The following ACVR2A variants were observed in gnomAD, a reference collection of about 807,000 sequenced individuals.
ACVR2A encodes the protein activin A receptor type 2A, also known as activin receptor type-2A.
In ACVR2A, 7 loss-of-function variants were observed where a neutral mutation model predicts 61.4. The ratio of observed to expected loss-of-function variants is 0.11; its 90% CI spans 0.06 to 0.21. The LOEUF (loss-of-function observed/expected upper bound fraction) is 0.21, where lower values mean the gene tolerates loss of function less well. Among genes scored for constraint, ACVR2A ranks in the 10% least tolerant of loss-of-function variants. ACVR2A has a pLI of 1.00. For synonymous variants in ACVR2A, 193 were observed against 208.3 expected (o/e 0.93, Z 0.63); for missense variants, 322 against 621.7 (o/e 0.52, Z 5.13).
chr2:147,883,879 T>A (rs554862390), intron 1 of ACVR2A, among the ~76,000 whole-genome samples: 1 of 152,254 alleles, frequency 6.6e-6, no homozygotes, highest in South Asian at 2.1e-4. Flanking sequence ...TCACATTATC[T>A]TCATAGCAAG....
At position 147,853,760 on chromosome 2, in the gene ACVR2A, C is replaced by T. The variant is rs115827398; in HGVS notation, c.55+8553C>T. ...TATAAAGCTTAGAGGGAGGAGTTTT[C>T]GTAGTTATGATTATTAACTTTAAAA... On this transcript the variant is annotated intron_variant, in intron 1 of 10. Transcript: ENST00000241416. Among the ~76,000 whole-genome samples, 1,147 of 151,976 alleles carry T rather than the reference C, an allele frequency of 7.5e-3. 9 individuals carry two copies. Among genetic ancestry groups the T allele is most frequent in the African/African-American group, 0.026 (1,067 of 41,460 alleles).
intron 1 of ACVR2A, among the ~76,000 whole-genome samples, chr2:147,867,296 G>A (rs1685881187): frequency 6.6e-6 from 1 of 152,150 alleles, no homozygotes; most frequent in South Asian, 2.1e-4. Context: ...AGGTGGGGAA[G>A]AAAGCCAGAG....
intron 4 of ACVR2A, among the ~76,000 whole-genome samples, chr2:147,902,192 A>G (rs1453727695): frequency 6.6e-6 from 1 of 151,934 alleles, no homozygotes; most frequent in African/African-American, 2.4e-5. Flanking sequence ...GGGGCATGGG[A>G]TGTTATGTTT....
In ACVR2A at chr2:147,929,584, T is replaced by C. The variant is rs944383066; in HGVS notation, c.*2310T>C. 1 of 152,424 alleles carries C rather than the reference T, an allele frequency of 6.6e-6. No individual in the cohort carries two copies. The highest frequency in any genetic ancestry group is 6.6e-5 in the Admixed American group (1 of 15,204). The allele number at this position is 152,424 out of a possible 1,614,324, so 9.4% of individuals were successfully genotyped here. Reference sequence around the variant, plus strand: ...GAACTATTATTAATAGAAAAACTTTTTATAAGCAGTAAAATAAGAATGTTC... The same window carrying C: ...GAACTATTATTAATAGAAAAACTTTCTATAAGCAGTAAAATAAGAATGTTC... On this transcript the variant is annotated 3_prime_UTR_variant, in exon 11 of 11. Transcript: ENST00000241416.
At chr2:147,870,948 T>A (rs955530349) in intron 1 of ACVR2A, among the ~76,000 whole-genome samples, 2 of 152,132 alleles carry the variant, frequency 1.3e-5, no homozygotes, top group African/African-American at 4.8e-5. Context: ...TTCACATTCC[T>A]CATGTATTTT....
intron 1 of ACVR2A, among the ~76,000 whole-genome samples, chr2:147,878,908 TAA>T (rs11284106): frequency 1.3e-5 from 2 of 149,512 alleles, no homozygotes; most frequent in African/African-American, 2.5e-5. Context: ...GACCTGTCTT[TAA>T]AAAAAAAAAT....
intron 4 of ACVR2A, among the ~76,000 whole-genome samples, chr2:147,913,959 C>A: frequency 6.6e-6 from 1 of 150,700 alleles, no homozygotes; most frequent in East Asian, 2.0e-4. Flanking sequence ...GAAGAAATTG[C>A]ATGTTTTTCC....
chr2:147,926,248 C>T, intron 10 of ACVR2A, 87 bp downstream of exon 10: 1 of 1,487,666 alleles, frequency 6.7e-7, no homozygotes, highest in Non-Finnish European at 9.1e-7. Flanking sequence ...TCTCTTTCTT[C>T]TGCAAGTATT....
chr2:147,845,353 C>CCCT, intron 1 of ACVR2A, 146 bp downstream of exon 1: 2 of 525,894 alleles, frequency 3.8e-6, no homozygotes, highest in Non-Finnish European at 6.3e-6. Context: ...CCACCGCCCC[C>CCCT]CCCCCCCGCC....
intron 1 of ACVR2A, among the ~76,000 whole-genome samples, chr2:147,862,555 C>T (rs1380834141): frequency 3.3e-5 from 5 of 152,046 alleles, no homozygotes; most frequent in South Asian, 2.1e-4. Context: ...ACCAGCCTGG[C>T]CAACATGGTG....
intron 1 of ACVR2A, among the ~76,000 whole-genome samples, chr2:147,886,013 G>A (rs1352951822): frequency 6.6e-6 from 1 of 152,062 alleles, no homozygotes. Flanking sequence ...ATTAAGCATA[G>A]TCAGAGACTG....
At chr2:147,861,546 A>G (rs1685727916) in intron 1 of ACVR2A, among the ~76,000 whole-genome samples, 2 of 152,206 alleles carry the variant, frequency 1.3e-5, no homozygotes, top group South Asian at 4.1e-4. Flanking sequence ...AAATTCTTCA[A>G]AATTCGGAAC....
intron 1 of ACVR2A, among the ~76,000 whole-genome samples, chr2:147,869,585 CAG>C (rs1685959760): frequency 6.6e-6 from 1 of 152,156 alleles, no homozygotes; most frequent in African/African-American, 2.4e-5. Flanking sequence ...GTGGAGAAAA[CAG>C]AAAGCTGTGG....
intron 1 of ACVR2A, among the ~76,000 whole-genome samples, chr2:147,892,306 A>T (rs1686608229): frequency 6.6e-6 from 1 of 151,534 alleles, no homozygotes; most frequent in Non-Finnish European, 1.5e-5. Context: ...AGTTACCAGA[A>T]CATAGTTTGC....
rs189969158 is a variant in ACVR2A at position 147,882,423 on chromosome 2, C to T, written c.56-13878C>T. Among the ~76,000 whole-genome samples the T allele has an allele frequency of 5.1e-3, 773 of 152,244 alleles. 4 individuals are homozygous for T. The highest frequency in any genetic ancestry group is 8.5e-3 in the Non-Finnish European group (575 of 68,006). On this transcript the variant is annotated intron_variant, in intron 1 of 10. Coordinates refer to ENST00000241416, the MANE Select transcript of ACVR2A (RefSeq NM_001616.5). Reference sequence around the variant, plus strand: ...AAAATTAGCTGGGTGTGGTGGCGTGCGCCTGTAATTCCAGCCACTTGGGAG... The same window carrying T: ...AAAATTAGCTGGGTGTGGTGGCGTGTGCCTGTAATTCCAGCCACTTGGGAG...
At position 147,854,154 on chromosome 2, in the gene ACVR2A, C is replaced by G. The variant is rs190887148; in HGVS notation, c.55+8947C>G. Among the ~76,000 whole-genome samples the G allele has an allele frequency of 1.9e-3, 294 of 152,180 alleles. 1 individual carries two copies. Among genetic ancestry groups the G allele is most frequent in the Middle Eastern group, 0.01 (3 of 294 alleles). ...CAGTTAATGTGAAATAATACTCTGACTAAATGATACAGCCAAAGAACATAT... is the reference window on the plus strand; with the variant it reads ...CAGTTAATGTGAAATAATACTCTGAGTAAATGATACAGCCAAAGAACATAT... On this transcript the variant is annotated intron_variant, in intron 1 of 10. Transcript: ENST00000241416.
chr2:147,895,257 T>A (rs1686699880), intron 1 of ACVR2A, among the ~76,000 whole-genome samples: 2 of 152,170 alleles, frequency 1.3e-5, no homozygotes. Context: ...TTGCATAAAA[T>A]TAACTATAGT....
chr2:147,862,068 G>T (rs181877490), intron 1 of ACVR2A, among the ~76,000 whole-genome samples: 1 of 152,258 alleles, frequency 6.6e-6, no homozygotes, highest in Non-Finnish European at 1.5e-5. Flanking sequence ...TTCAAGTTCA[G>T]TGTTCTTTTG....
chr2:147,915,176 A>G lies in ACVR2A; in HGVS notation c.529-15A>G, dbSNP rs764538421. The G allele has an allele frequency of 8.1e-6, 13 of 1,608,824 alleles. No individual in the cohort carries two copies. The Admixed American group carries it at 1.8e-4, about 23-fold the overall frequency. On this transcript the variant is annotated splice_polypyrimidine_tract_variant and intron_variant, in intron 4 of 10. Coordinates refer to ENST00000241416, the MANE Select transcript of ACVR2A (RefSeq NM_001616.5). Reference sequence around the variant, plus strand: ...TGTTCTGCTTATTTATAGTATTATTATTATTTATCTGTAGGACCCAGGACC... The same window carrying G: ...TGTTCTGCTTATTTATAGTATTATTGTTATTTATCTGTAGGACCCAGGACC...
Sources: allele counts gnomAD v4.1 joint callset (sites outside exome capture counted in the v4.1 genomes callset), GRCh38; gene constraint gnomAD v4.1.1; transcripts MANE v1.5; gene names NCBI Gene and HGNC (gene_info 2026-07-23, HGNC 2026-07-21).